The following ANK1 variants were observed in gnomAD, a reference collection of about 807,000 sequenced individuals.
The protein encoded by ANK1 is ankyrin-1.
In ANK1, 51 loss-of-function variants were observed where a neutral mutation model predicts 210.4. That is an observed-to-expected ratio of 0.24 (90% CI 0.19 to 0.31). The LOEUF (loss-of-function observed/expected upper bound fraction) is 0.31, where lower values mean the gene tolerates loss of function less well. ANK1 is among the 10% of genes least tolerant of loss of function. The pLI is 1.00. For synonymous variants in ANK1, 967 were observed against 1,025.9 expected (o/e 0.94, Z 1.10); for missense variants, 2,051 against 2,504.4 (o/e 0.82, Z 3.86).
chr8:41,701,567 T>G lies in ANK1; in HGVS notation c.2444A>C (p.Asp815Ala). The change falls in exon 22 of 43, where the codon GAT becomes GCT. Residue 815 changes from aspartate (D) to alanine (A), a missense_variant. Around this residue, in one of 6 missense-constraint regions of ANK1, gnomAD observed 1,413 missense variants for 1,707.4 expected, o/e 0.83. Coordinates refer to ENST00000289734, the MANE Select transcript of ANK1 (RefSeq NM_000037.4). The part of the protein sequence containing the change: ...SFPETVDEIL[D>A]VSEDEGEELI... Reference sequence around the variant, plus strand: ...AACGTTACCTTCATCTTCCGAGACATCCAGGATCTCATCAACTGTCTCAGG... The same window carrying G: ...AACGTTACCTTCATCTTCCGAGACAGCCAGGATCTCATCAACTGTCTCAGG... 6.2e-7 allele frequency: 1 copy of G among 1,614,116 alleles called. No homozygotes were observed. The highest frequency in any genetic ancestry group is 8.5e-7 in the Non-Finnish European group (1 of 1,180,010).
At chr8:41,894,851 T>C (rs779683980) in intron 1 of ANK1, among the ~76,000 whole-genome samples, 5 of 152,036 alleles carry the variant, frequency 3.3e-5, no homozygotes, top group Non-Finnish European at 5.9e-5. Flanking sequence ...CCTGCGGAGA[T>C]TCTCTCTCGG....
intron 1 of ANK1, among the ~76,000 whole-genome samples, chr8:41,865,128 C>G (rs1814131483): frequency 2.0e-5 from 3 of 152,158 alleles, no homozygotes. Flanking sequence ...CCTGGCCACC[C>G]AAGGGCTCCA....
chr8:41,677,370 T>A lies in ANK1; in HGVS notation c.4538-4458A>T, dbSNP rs552108631. On this transcript the variant is annotated intron_variant, in intron 37 of 42. Transcript: ENST00000289734. ...CTGATTTCCACTCTGATCTTTATTA[T>A]TTCCTTTATTCTATGATTTTGGGTT... Among the ~76,000 whole-genome samples, 3 of 152,294 alleles carry A rather than the reference T, an allele frequency of 2.0e-5. No individual in the cohort carries two copies. The South Asian group carries it at 6.2e-4, about 32-fold the overall frequency.
At chr8:41,770,228 C>A (rs1842745560) in intron 1 of ANK1, among the ~76,000 whole-genome samples, 1 of 152,142 alleles carries the variant, frequency 6.6e-6, no homozygotes, top group Admixed American at 6.5e-5. Context: ...GGTGCTCTGC[C>A]CGCCTCGGCC....
chr8:41,679,670 C>T (rs1054806445), intron 37 of ANK1, among the ~76,000 whole-genome samples: 1 of 144,768 alleles, frequency 6.9e-6, no homozygotes, highest in African/African-American at 2.5e-5. Context: ...TCACGCCATT[C>T]TCCTGCCTCA....
At chr8:41,706,114 C>T (rs769355302) in intron 18 of ANK1, 29 bp downstream of exon 18, 19 of 1,604,016 alleles carry the variant, frequency 1.2e-5, no homozygotes, top group Middle Eastern at 1.8e-4. Flanking sequence ...GGAGTCCACA[C>T]AGACTGAAGT....
At chr8:41,876,769 C>G (rs1816696089) in intron 1 of ANK1, among the ~76,000 whole-genome samples, 1 of 152,148 alleles carries the variant, frequency 6.6e-6, no homozygotes, top group Non-Finnish European at 1.5e-5. Flanking sequence ...AATGGTAACC[C>G]CTCATCTGGC....
chr8:41,687,768 T>C (rs905333001), intron 35 of ANK1, among the ~76,000 whole-genome samples: 2 of 152,234 alleles, frequency 1.3e-5, no homozygotes, highest in Non-Finnish European at 2.9e-5. Flanking sequence ...ATTCTGAGCC[T>C]TCACTTTATT....
intron 3 of ANK1, among the ~76,000 whole-genome samples, chr8:41,729,240 G>C (rs891039297): frequency 2.0e-5 from 3 of 152,152 alleles, no homozygotes; most frequent in South Asian, 2.1e-4. Context: ...AATGAGTAAG[G>C]GTTCACCAAA....
At chr8:41,807,936 G>C (rs1851203857) in intron 1 of ANK1, among the ~76,000 whole-genome samples, 1 of 149,074 alleles carries the variant, frequency 6.7e-6, no homozygotes, top group African/African-American at 2.5e-5. Context: ...GAAGGAGGAG[G>C]GAGGGGAAGA....
At chr8:41,732,985 G>A (rs1371458066) in intron 3 of ANK1, among the ~76,000 whole-genome samples, 2 of 151,276 alleles carry the variant, frequency 1.3e-5, no homozygotes, top group Admixed American at 6.6e-5. Context: ...TGATCCTCCC[G>A]CCTCAGCCTC....
chr8:41,794,285 C>T (rs910686237), intron 1 of ANK1, among the ~76,000 whole-genome samples: 13 of 152,226 alleles, frequency 8.5e-5, no homozygotes. Flanking sequence ...GCTCCTCCTG[C>T]CTCACTCTGC....
intron 3 of ANK1, among the ~76,000 whole-genome samples, chr8:41,730,350 A>G (rs1443758795): frequency 6.6e-6 from 1 of 152,088 alleles, no homozygotes; most frequent in Non-Finnish European, 1.5e-5. Context: ...CACATTGGTA[A>G]TCCTGGCACT....
chr8:41,662,483 G>A (rs1425372217), intron 40 of ANK1, among the ~76,000 whole-genome samples: 3 of 152,346 alleles, frequency 2.0e-5, no homozygotes, highest in Non-Finnish European at 4.4e-5. Flanking sequence ...GTGACTGGGT[G>A]TGACCTCCCC....
chr8:41,885,417 G>A (rs1381238241), intron 1 of ANK1, among the ~76,000 whole-genome samples: 2 of 152,240 alleles, frequency 1.3e-5, no homozygotes, highest in African/African-American at 4.8e-5. Context: ...AAGACAAATG[G>A]TTTGACTATG....
intron 1 of ANK1, among the ~76,000 whole-genome samples, chr8:41,856,505 G>A (rs1250879466): frequency 6.6e-6 from 1 of 152,136 alleles, no homozygotes; most frequent in Admixed American, 6.5e-5. Flanking sequence ...AAAGCCACTT[G>A]AACTCTCTGA....
chr8:41,752,780 G>A (rs757567002), intron 2 of ANK1, among the ~76,000 whole-genome samples: 4 of 136,446 alleles, frequency 2.9e-5, no homozygotes, highest in South Asian at 2.5e-4. Flanking sequence ...TCCCTCCTGC[G>A]CTGCTGGGCA....
chr8:41,794,521 A>C (rs1327605269), intron 1 of ANK1, among the ~76,000 whole-genome samples: 1 of 151,858 alleles, frequency 6.6e-6, no homozygotes. Context: ...CTGACTTTTC[A>C]CCTTTCAACA....
At position 41,668,129 on chromosome 8, in the gene ANK1, C is replaced by T. The variant is rs888423605; in HGVS notation, c.5394+138G>A. Reference sequence around the variant, plus strand: ...GCCTTGCCCTTGACTTCTAGAGAAACGGAAGCACCACCACAAGTGTTAAAG... The same window carrying T: ...GCCTTGCCCTTGACTTCTAGAGAAATGGAAGCACCACCACAAGTGTTAAAG... On this transcript the variant is annotated intron_variant, in intron 39 of 42. Coordinates refer to ENST00000289734, the MANE Select transcript of ANK1 (RefSeq NM_000037.4). 61 of 1,270,740 alleles carry T rather than the reference C, an allele frequency of 4.8e-5. 1 individual carries two copies. The highest frequency in any genetic ancestry group is 1.0e-4 in the South Asian group (8 of 78,536). 78.7% of individuals were successfully genotyped at this position (1,270,740 alleles called of 1,614,324 possible).
Sources: gnomAD v4.1 joint callset for allele counts (sites outside exome capture counted in the v4.1 genomes callset) on GRCh38, gnomAD v4.1.1 for gene constraint, gnomAD v4.1.1 regional missense constraint, MANE v1.5 for transcripts, NCBI Gene and HGNC (gene_info 2026-07-23, HGNC 2026-07-21) for gene names.